The following KATNAL2 variants were observed in gnomAD, a reference collection of about 807,000 sequenced individuals.
The protein encoded by KATNAL2 is katanin p60 ATPase-containing subunit A-like 2.
KATNAL2 carries 52 observed loss-of-function variants against 76.3 expected under a neutral mutation model. The observed-to-expected ratio is 0.68, with a 90% CI of 0.55 to 0.86. The LOEUF is 0.86. Among genes scored for constraint, KATNAL2 ranks in the 40% least tolerant of loss-of-function variants. KATNAL2 has a pLI of 0.00. For missense variants in KATNAL2, 660 were observed against 668.9 expected (o/e 0.99, Z 0.15); for synonymous variants, 243 against 244.2 (o/e 1.00, Z 0.05).
chr18:47,049,583 A>G (rs1022873515), intron 4 of KATNAL2, among the ~76,000 whole-genome samples: 9 of 152,216 alleles, frequency 5.9e-5, no homozygotes, highest in Admixed American at 2.0e-4. Context: ...ATTGGGTTAA[A>G]TTAAACTAGG....
chr18:47,063,452 T>A, intron 10 of KATNAL2, 91 bp downstream of exon 10: 1 of 906,740 alleles, frequency 1.1e-6, no homozygotes, highest in Non-Finnish European at 1.7e-6. Flanking sequence ...TAACAATAAA[T>A]ATGATCATTT....
intron 1 of KATNAL2, among the ~76,000 whole-genome samples, chr18:46,920,799 C>T (rs2058495919): frequency 6.6e-6 from 1 of 152,110 alleles, no homozygotes; most frequent in African/African-American, 2.4e-5. Context: ...TTACTTGAAT[C>T]CAACTTCCTT....
At chr18:47,066,847 T>G (rs8098601) in intron 10 of KATNAL2, among the ~76,000 whole-genome samples, 174 bp from the exon 11 acceptor site, 1,273 of 29,462 alleles carry the variant, frequency 0.043, 70 homozygotes, top group African/African-American at 0.062. Flanking sequence ...ATATATGTGT[T>G]TATATATATA....
intron 13 of KATNAL2, among the ~76,000 whole-genome samples, chr18:47,070,102 T>TC: frequency 6.7e-6 from 1 of 149,842 alleles, no homozygotes; most frequent in East Asian, 1.9e-4. Context: ...GCTTTCTTTT[T>TC]TTTTTTTTTT....
intron 1 of KATNAL2, among the ~76,000 whole-genome samples, chr18:46,919,661 T>C (rs1307071370): frequency 1.3e-5 from 2 of 152,122 alleles, no homozygotes; most frequent in African/African-American, 4.8e-5. Context: ...AAAATAAAAA[T>C]TATTATTTTA....
At chr18:47,069,685 G>A in intron 13 of KATNAL2, 85 bp downstream of exon 13, 1 of 894,152 alleles carries the variant, frequency 1.1e-6, no homozygotes, top group Non-Finnish European at 1.7e-6. Flanking sequence ...TTTGCTTTTA[G>A]GTGATTTTAT....
At chr18:47,038,081 A>T (rs1396553759) in intron 3 of KATNAL2, among the ~76,000 whole-genome samples, 1 of 152,066 alleles carries the variant, frequency 6.6e-6, no homozygotes, top group African/African-American at 2.4e-5. Flanking sequence ...GCAAACTGTG[A>T]TTCTAATAAA....
At chr18:47,080,320 T>C (rs1313696306) in intron 15 of KATNAL2, among the ~76,000 whole-genome samples, 1 of 152,160 alleles carries the variant, frequency 6.6e-6, no homozygotes, top group Non-Finnish European at 1.5e-5. Context: ...TATTGAGATA[T>C]AACTCACATA....
At chr18:47,099,464 T>C (rs2063381578) in intron 16 of KATNAL2, 59 bp downstream of exon 16, 2 of 1,492,062 alleles carry the variant, frequency 1.3e-6, no homozygotes, top group African/African-American at 1.4e-5. Flanking sequence ...GGCCATCTTG[T>C]AGACCAGGTC....
intron 3 of KATNAL2, among the ~76,000 whole-genome samples, chr18:46,957,323 G>A (rs1321701121): frequency 6.9e-6 from 1 of 145,752 alleles, no homozygotes; most frequent in Non-Finnish European, 1.5e-5. Context: ...GCGCGGTCTC[G>A]GCTCACTGCA....
At chr18:47,099,536 C>A in intron 16 of KATNAL2, 131 bp downstream of exon 16, 1 of 761,592 alleles carries the variant, frequency 1.3e-6, no homozygotes, top group Non-Finnish European at 2.0e-6. Flanking sequence ...CCCCGTAATG[C>A]AATGGGCATC....
chr18:47,039,070 C>T (rs901544380), intron 3 of KATNAL2, among the ~76,000 whole-genome samples: 2 of 152,138 alleles, frequency 1.3e-5, no homozygotes, highest in Admixed American at 1.3e-4. Flanking sequence ...CTTTTACCCC[C>T]ATCATTTCCA....
intron 13 of KATNAL2, among the ~76,000 whole-genome samples, chr18:47,073,311 G>T (rs1266702236): frequency 1.3e-5 from 2 of 152,128 alleles, no homozygotes; most frequent in African/African-American, 4.8e-5. Context: ...CTTTTGAAAG[G>T]TTTAGAAAAT....
chr18:47,037,875 G>A (rs1238006606), intron 3 of KATNAL2, among the ~76,000 whole-genome samples: 5 of 151,546 alleles, frequency 3.3e-5, no homozygotes, highest in Non-Finnish European at 7.4e-5. Context: ...TTAGAGATGG[G>A]AGTCTCCCTA....
intron 3 of KATNAL2, chr18:47,032,829 G>A (rs2060538075): frequency 2.4e-6 from 3 of 1,243,876 alleles, no homozygotes; most frequent in Admixed American, 4.8e-5. Context: ...GGTAGTGGCT[G>A]GGTGTGGGAG....
chr18:47,046,487 A>C lies in KATNAL2; in HGVS notation c.82A>C (p.Asn28His). ...CEMRTEARRKNLLILISHYLT... is the reference protein window; with the variant it reads ...CEMRTEARRKHLLILISHYLT... ...GATGAGGACAGAAGCACGACGAAAA[A>C]ATCTTCTCATTTTGATTTCGCATTA... The change falls in exon 4 of 18, where the codon AAT becomes CAT. Residue 28 changes from asparagine to histidine, a missense_variant. Coordinates refer to ENST00000683218, the MANE Select transcript of KATNAL2 (RefSeq NM_001387690.1). 2.6e-6 allele frequency: 4 copies of C among 1,536,024 alleles called. No homozygotes were observed. Among genetic ancestry groups the C allele is most frequent in the Non-Finnish European group, 3.5e-6 (4 of 1,146,834 alleles).
chr18:47,034,648 A>G lies in KATNAL2; in HGVS notation c.52-11809A>G, dbSNP rs1256412479. 5 of 1,613,794 alleles carry G rather than the reference A, an allele frequency of 3.1e-6. No individual in the cohort carries two copies. The African/African-American group carries it at 6.7e-5, about 22-fold the overall frequency. ...TTGGCCCTGGCAGCCTGGACACAGC[A>G]GAGGCCCGCCCTGAGCCGCGTGAGT... On this transcript the variant is annotated intron_variant, in intron 3 of 17. Coordinates refer to ENST00000683218, the MANE Select transcript of KATNAL2 (RefSeq NM_001387690.1).
At chr18:47,057,504 G>A (rs575805011) in intron 6 of KATNAL2, among the ~76,000 whole-genome samples, 3 of 152,182 alleles carry the variant, frequency 2.0e-5, no homozygotes, top group African/African-American at 7.2e-5. Flanking sequence ...ATATACTCTT[G>A]TAACCACAGT....
At chr18:47,046,682 C>T (rs2147061192) in intron 4 of KATNAL2, among the ~76,000 whole-genome samples, 155 bp downstream of exon 4, 1 of 152,252 alleles carries the variant, frequency 6.6e-6, no homozygotes, top group South Asian at 2.1e-4. Context: ...CTGTATGCCC[C>T]TTCCCTTTTC....
Sources: allele counts gnomAD v4.1 joint callset (sites outside exome capture counted in the v4.1 genomes callset), GRCh38; gene constraint gnomAD v4.1.1; transcripts MANE v1.5; gene names NCBI Gene and HGNC (gene_info 2026-07-23, HGNC 2026-07-21).